Variants in NPC1 observed in about 807,000 individuals in gnomAD.
NPC1 encodes the protein NPC intracellular cholesterol transporter 1.
In NPC1, 85 loss-of-function variants were observed where a neutral mutation model predicts 140.4. The ratio of observed to expected loss-of-function variants is 0.61; its 90% confidence interval spans 0.51 to 0.72. NPC1 has a LOEUF of 0.72. Among genes scored for constraint, NPC1 ranks in the 30% least tolerant of loss-of-function variants. NPC1 has a pLI of 0.00. For synonymous variants in NPC1, 656 were observed against 624.8 expected, an observed-to-expected ratio of 1.05 and a Z score of -0.74; for missense variants, 1,504 against 1,623.8, an observed-to-expected ratio of 0.93 and a Z score of 1.27.
chr18:23,506,797 G>C (rs2057727991), intron 3 of NPC1, among the ~76,000 whole-genome samples: 1 of 152,292 alleles, frequency 6.6e-6, no homozygotes, highest in Admixed American at 6.5e-5. Flanking sequence ...GTTCTTTCCA[G>C]TTGGATTTGG....
chr18:23,564,272 C>G (rs957843211), intron 4 of NPC1, among the ~76,000 whole-genome samples: 1 of 152,230 alleles, frequency 6.6e-6, no homozygotes, highest in African/African-American at 2.4e-5. Context: ...GCATGAGCCA[C>G]AGCGCCCGGC....
chr18:23,528,462 G>A (rs1453733133), downstream of NPC1: 1 of 153,554 alleles, frequency 6.5e-6, no homozygotes, highest in Non-Finnish European at 1.4e-5. Flanking sequence ...AGGACAAGGA[G>A]AATGAATTAT....
downstream of NPC1, chr18:23,529,240 C>T (rs1251850468): frequency 8.1e-6 from 13 of 1,613,926 alleles, no homozygotes; most frequent in East Asian, 2.2e-5. Flanking sequence ...CGGACCCAGG[C>T]GGTGCTGGAC....
chr18:23,544,884 A>G (rs961181360), intron 12 of NPC1, 76 bp downstream of exon 12: 2 of 1,098,376 alleles, frequency 1.8e-6, no homozygotes, highest in African/African-American at 3.1e-5. Flanking sequence ...GAATAAGAAT[A>G]AAGAGGCAAA....
intron 9 of NPC1, among the ~76,000 whole-genome samples, chr18:23,553,802 C>T (rs553992220): frequency 1.1e-4 from 17 of 152,248 alleles, no homozygotes; most frequent in Admixed American, 2.0e-4. Flanking sequence ...CAATTATAAA[C>T]GCACCCTGCC....
At chr18:23,507,983 A>G in intron 3 of NPC1, 4 of 1,610,478 alleles carry the variant, frequency 2.5e-6, no homozygotes, top group Non-Finnish European at 3.4e-6. Flanking sequence ...TTTTCCTTTC[A>G]GGATTTTTGT....
intron 14 of NPC1, 43 bp downstream of exon 14, chr18:23,543,412 G>T (rs770134039): frequency 1.8e-6 from 2 of 1,109,408 alleles, no homozygotes; most frequent in African/African-American, 1.5e-5. Flanking sequence ...CTTTCTCCAG[G>T]CTCAGCAGAC....
chr18:23,544,735 C>A (rs1482578989), intron 12 of NPC1, among the ~76,000 whole-genome samples: 6 of 151,698 alleles, frequency 4.0e-5, no homozygotes, highest in Admixed American at 1.3e-4. Flanking sequence ...ATGGACTGGA[C>A]AAATAAGAAA....
At chr18:23,556,111 A>T in intron 8 of NPC1, 132 bp downstream of exon 8, 1 of 807,636 alleles carries the variant, frequency 1.2e-6, no homozygotes, top group Non-Finnish European at 2.1e-6. Flanking sequence ...CAGCTTTGCC[A>T]TTATACGCTA....
chr18:23,551,826 T>C (rs2058877368), intron 9 of NPC1, 99 bp from the exon 10 acceptor site: 3 of 854,434 alleles, frequency 3.5e-6, no homozygotes, highest in South Asian at 2.7e-5. Context: ...GCTGGCTGTA[T>C]TCTAAGGACA....
chr18:23,531,411 T>A, downstream of NPC1: 5 of 965,202 alleles, frequency 5.2e-6, no homozygotes, highest in South Asian at 1.1e-4. Flanking sequence ...TAAGACGGCA[T>A]TTAGTTACCA....
At chr18:23,556,755 T>A in intron 7 of NPC1, 142 bp from the exon 8 acceptor site, 1 of 1,327,738 alleles carries the variant, frequency 7.5e-7, no homozygotes, top group Non-Finnish European at 1.1e-6. Flanking sequence ...TGCCCTCAGC[T>A]ACCTATCTGC....
chr18:23,568,194 G>A (rs2059153472), intron 4 of NPC1, among the ~76,000 whole-genome samples: 1 of 152,040 alleles, frequency 6.6e-6, no homozygotes, highest in East Asian at 1.9e-4. Flanking sequence ...TTCCATACAT[G>A]CAGGCTTCTG....
At chr18:23,530,247 C>G (rs1162882322), downstream of NPC1, 1 of 1,614,206 alleles carries the variant, frequency 6.2e-7, no homozygotes, top group Non-Finnish European at 8.5e-7. Flanking sequence ...GCTGTTATCC[C>G]TAGAGAGTTT....
intron 1 of NPC1, among the ~76,000 whole-genome samples, chr18:23,576,186 T>C (rs2059275274): frequency 6.6e-6 from 1 of 152,046 alleles, no homozygotes; most frequent in Non-Finnish European, 1.5e-5. Flanking sequence ...ATTGTGCCAT[T>C]ACACTCCAGC....
chr18:23,555,189 C>A (rs1456235839), intron 8 of NPC1, among the ~76,000 whole-genome samples: 2 of 152,206 alleles, frequency 1.3e-5, no homozygotes, highest in African/African-American at 2.4e-5. Flanking sequence ...TAGTTAGAGG[C>A]GTCCACAGAG....
rs2058508162 is a variant in NPC1 at position 23,531,548 on chromosome 18, G to C, written c.*654C>G. ...AAGAAAAATAAGTTAAAACCCAGTA[G>C]ACACACCTACGAGATGCTTTCTTTG... On this transcript the variant is annotated 3_prime_UTR_variant, in exon 25 of 25. Coordinates refer to ENST00000269228, the MANE Select transcript of NPC1 (RefSeq NM_000271.5). 6.4e-7 allele frequency: 1 copy of C among 1,570,668 alleles called. No individual in the cohort carries two copies. Among genetic ancestry groups the C allele is most frequent in the South Asian group, 1.2e-5 (1 of 84,142 alleles).
At chr18:23,555,062 C>T in intron 8 of NPC1, 78 bp from the exon 9 acceptor site, 1 of 921,722 alleles carries the variant, frequency 1.1e-6, no homozygotes, top group Non-Finnish European at 1.8e-6. Context: ...CAGCATTGCC[C>T]TGAGGGTCAG....
At chr18:23,539,780 C>A in intron 18 of NPC1, 31 bp downstream of exon 18, 3 of 1,609,862 alleles carry the variant, frequency 1.9e-6, no homozygotes, top group Non-Finnish European at 1.7e-6. Context: ...TCCTCCGCTG[C>A]TTCTGAAGTA....
Sources: allele counts gnomAD v4.1 joint callset (sites outside exome capture counted in the v4.1 genomes callset), GRCh38; gene constraint gnomAD v4.1.1; transcripts MANE v1.5; gene names NCBI Gene and HGNC (gene_info 2026-07-23, HGNC 2026-07-21).